The following STK11 variants were observed in gnomAD, a reference collection of about 807,000 sequenced individuals.
STK11 encodes the protein serine/threonine kinase 11, also known as serine/threonine-protein kinase STK11.
In STK11, 8 loss-of-function variants were observed where a neutral mutation model predicts 47.3. The ratio of observed to expected loss-of-function variants is 0.17; its 90% confidence interval spans 0.10 to 0.31. STK11 has a LOEUF of 0.31. Ranked by LOEUF, STK11 falls within the 10% of genes least tolerant of loss-of-function variation. The probability of loss-of-function intolerance (pLI) is 1.00; values close to 1 mark genes in which losing one functional copy is unlikely to be tolerated. For synonymous variants in STK11, 330 were observed against 255.8 expected (o/e 1.29, Z -2.77); for missense variants, 475 against 605.0 (o/e 0.79, Z 2.25).
chr19:1,216,563 A>C (rs2080746063), intron 1 of STK11, among the ~76,000 whole-genome samples: 1 of 148,112 alleles, frequency 6.8e-6, no homozygotes. Context: ...CTGGCGACAG[A>C]GTGAGACTCC....
intron 1 of STK11, among the ~76,000 whole-genome samples, chr19:1,209,619 TAA>T (rs2080695602): frequency 6.7e-6 from 1 of 150,202 alleles, no homozygotes; most frequent in Non-Finnish European, 1.5e-5. Flanking sequence ...AATAAATAAA[TAA>T]ATAAATCTGG....
chr19:1,210,653 C>T (rs192386889), intron 1 of STK11, among the ~76,000 whole-genome samples: 25 of 146,738 alleles, frequency 1.7e-4, no homozygotes, highest in African/African-American at 4.6e-4. Context: ...GTGGATCACC[C>T]GAGGTTGGGA....
Position 1,221,265 on chromosome 19 carries a change from T to C in STK11, c.787T>C (p.Leu263=), listed in dbSNP as rs372378119. Residue 263 remains leucine, a synonymous_variant, in exon 6 of 10, where the codon TTG becomes CTG. Coordinates refer to ENST00000326873, the MANE Select transcript of STK11 (RefSeq NM_000455.5). ...YPFEGDNIYK[L]FENIGKGSYA... ...CTTCGAAGGGGACAACATCTACAAG[T>C]TGTTTGAGAACATCGGGAAGGGGAG... 274 of 1,612,314 alleles carry C rather than the reference T, an allele frequency of 1.7e-4. No individual in the cohort carries two copies. The highest frequency in any genetic ancestry group is 9.9e-4 in the Middle Eastern group (6 of 6,078).
At position 1,225,811 on chromosome 19, in the gene STK11, C is replaced by T. The variant is rs901408316; in HGVS notation, c.1109-643C>T. 9 of 985,628 alleles carry T rather than the reference C, an allele frequency of 9.1e-6. No individual in the cohort carries two copies. The African/African-American group carries it at 1.6e-4, about 17-fold the overall frequency. 61.1% of individuals were successfully genotyped at this position (985,628 alleles called of 1,614,324 possible). A position where few individuals can be genotyped will look rare whatever the true frequency, so the allele number is the denominator to read the frequency against. On this transcript the variant is annotated intron_variant, in intron 8 of 9. Transcript: ENST00000326873. ...CAACCACCACGGCTCCTCGCAGGGA[C>T]AGTACGTGGGCAGCTTCCTGCACTT...
chr19:1,223,855 CA>C (rs1237663885), intron 8 of STK11: 1 of 1,023,322 alleles, frequency 9.8e-7, no homozygotes, highest in African/African-American at 1.7e-5. Context: ...TGGGCCGTGT[CA>C]TAAAGAGTTT....
intron 6 of STK11, chr19:1,221,571 C>T (rs2080784712): frequency 1.5e-6 from 1 of 669,616 alleles, no homozygotes; most frequent in Non-Finnish European, 2.5e-6. Flanking sequence ...GAGGGCAGTG[C>T]TGCCCTGCGC....
At chr19:1,224,233 ATGTGGGGGCCCCCCAGGAGGGTACAGCG>A (rs1309352342) in intron 8 of STK11, 1 of 984,842 alleles carries the variant, frequency 1.0e-6, no homozygotes, top group African/African-American at 1.8e-5. Context: ...AGGATGCAGC[ATGTGGGGGCCCCCCAGGAGGGTACAGCG>A]TGTGTGGGGC....
chr19:1,223,820 G>A (rs1360032048), intron 8 of STK11: 8 of 1,032,054 alleles, frequency 7.8e-6, no homozygotes, highest in South Asian at 9.2e-5. Context: ...CCATGCTCCC[G>A]GCTTGGCTGT....
intron 3 of STK11, 31 bp downstream of exon 3, chr19:1,219,444 G>GGGGGC: frequency 2.3e-6 from 3 of 1,304,772 alleles, no homozygotes; most frequent in South Asian, 2.6e-5. Context: ...CCAGGGTGGG[G>GGGGGC]CGGGGGCCGG....
At chr19:1,220,820 C>T in intron 5 of STK11, 103 bp downstream of exon 5, 1 of 1,488,070 alleles carries the variant, frequency 6.7e-7, no homozygotes, top group Non-Finnish European at 9.0e-7. Flanking sequence ...GGCCACCGGC[C>T]CAGACCCTCT....
chr19:1,220,355 G>A lies in STK11; in HGVS notation c.465-18G>A. On this transcript the variant is annotated intron_variant, in intron 3 of 9. Transcript: ENST00000326873. ...GCAGGGAGGCCTCGGCCCCAGGACG[G>A]GTGTGTGCTGCCCGCAGGTACTTCT... The A allele has an allele frequency of 6.3e-7, 1 of 1,592,820 alleles. No homozygotes were observed. Among genetic ancestry groups the A allele is most frequent in the Non-Finnish European group, 8.5e-7 (1 of 1,170,148 alleles).
rs1204914751 is a variant in STK11, at chr19:1,206,745, A to G, written c.-169A>G. ...GCAGCCGGGACTGACGTGTAGAACA[A>G]TCGTTTCTGTTGGAAGAAGGGTTTT... On this transcript the variant is annotated 5_prime_UTR_variant, in exon 1 of 10. Coordinates refer to ENST00000326873, the MANE Select transcript of STK11 (RefSeq NM_000455.5). 6 of 932,472 alleles carry G rather than the reference A, an allele frequency of 6.4e-6. No homozygotes were observed. Among genetic ancestry groups the G allele is most frequent in the Non-Finnish European group, 9.3e-6 (6 of 644,070 alleles). The allele number at this position is 932,472 out of a possible 1,614,324, so 57.8% of individuals were successfully genotyped here.
At position 1,208,551 on chromosome 19, in the gene STK11, G is replaced by A. The variant is rs189782650; in HGVS notation, c.290+1348G>A. 2.2e-3 allele frequency among the ~76,000 whole-genome samples: 308 copies of A among 140,388 alleles called. 1 individual carries two copies. The highest frequency in any genetic ancestry group is 7.8e-3 in the African/African-American group (292 of 37,238). The allele number at this position is 140,388 out of a possible 152,430, so 92.1% of individuals were successfully genotyped here. On this transcript the variant is annotated intron_variant, in intron 1 of 9. Transcript: ENST00000326873. ...TCTCAATCTCCTGACCTCGTGATCC[G>A]CCCGCCTCGGCCTCCCAAAGTGCTG...
At chr19:1,222,531 C>T (rs902784276) in intron 7 of STK11, among the ~76,000 whole-genome samples, 9 of 152,152 alleles carry the variant, frequency 5.9e-5, no homozygotes, top group Admixed American at 2.0e-4. Context: ...CCACTGAGAC[C>T]GGCTCTGGGA....
chr19:1,216,954 C>T (rs749580543), intron 1 of STK11, among the ~76,000 whole-genome samples: 9 of 151,768 alleles, frequency 5.9e-5, no homozygotes, highest in Non-Finnish European at 1.2e-4. Flanking sequence ...GTGGCTGAGT[C>T]TTGTTGAGTG....
rs545645000 is a variant in STK11 at position 1,217,198 on chromosome 19, G to A, written c.291-1219G>A. Among the ~76,000 whole-genome samples the A allele has an allele frequency of 2.2e-4, 34 of 152,148 alleles. 1 individual carries two copies. The South Asian group carries it at 6.4e-3, about 29-fold the overall frequency. On this transcript the variant is annotated intron_variant, in intron 1 of 9. Coordinates refer to ENST00000326873, the MANE Select transcript of STK11 (RefSeq NM_000455.5). Reference sequence around the variant, plus strand: ...ACTGGGTGTGAGGACCTTGCTCCTCGTCATTTTTGTTTTTGTTTAATTTTT... The same window carrying A: ...ACTGGGTGTGAGGACCTTGCTCCTCATCATTTTTGTTTTTGTTTAATTTTT...
At chr19:1,218,743 CAG>C (rs1342906954) in intron 2 of STK11, among the ~76,000 whole-genome samples, 2 of 152,194 alleles carry the variant, frequency 1.3e-5, no homozygotes, top group Non-Finnish European at 2.9e-5. Flanking sequence ...CCTTTTTTCT[CAG>C]AGTCTCCTCC....
intron 8 of STK11, 25 bp downstream of exon 8, chr19:1,223,197 C>A (rs1007345825): frequency 6.3e-7 from 1 of 1,597,742 alleles, no homozygotes; most frequent in Non-Finnish European, 8.5e-7. Flanking sequence ...GGCCCCTGCC[C>A]GGCTCTGCTG....
chr19:1,225,652 T>C, intron 8 of STK11: 1 of 985,492 alleles, frequency 1.0e-6, no homozygotes, highest in Non-Finnish European at 1.2e-6. Flanking sequence ...AGTCAGCCAC[T>C]GGTCCATTCT....
Sources: gnomAD v4.1 joint callset for allele counts (sites outside exome capture counted in the v4.1 genomes callset) on GRCh38, gnomAD v4.1.1 for gene constraint, MANE v1.5 for transcripts, NCBI Gene and HGNC (gene_info 2026-07-23, HGNC 2026-07-21) for gene names.